DNAJB5: variants seen among roughly 807,000 people sequenced by gnomAD.
The protein encoded by DNAJB5 is dnaJ homolog subfamily B member 5.
A neutral mutation model predicts 32.6 loss-of-function variants in DNAJB5; 12 were observed. That is an observed-to-expected ratio of 0.37 (90% CI 0.24 to 0.60). DNAJB5 has a LOEUF of 0.60. Ranked by LOEUF, DNAJB5 falls within the 20% of genes least tolerant of loss-of-function variation. The pLI, the probability that DNAJB5 is intolerant of heterozygous loss-of-function variation, is 0.71. For synonymous variants in DNAJB5, 188 were observed against 212.9 expected (o/e 0.88, Z 1.02); for missense variants, 358 against 554.2 (o/e 0.65, Z 3.55).
At position 34,997,602 on chromosome 9, in the gene DNAJB5, C is replaced by T. The variant is rs1827838950; in HGVS notation, c.*343C>T. The T allele has an allele frequency of 2.5e-6, 1 of 398,100 alleles. No homozygotes were observed. Among genetic ancestry groups the T allele is most frequent in the East Asian group, 6.0e-5 (1 of 16,588 alleles). The allele number at this position is 398,100 out of a possible 1,614,324, so 24.7% of individuals were successfully genotyped here. ...CCATGCCTGTACATAGCATGTCCTC[C>T]TCCCCTCAGCTTTGCTAATACCAGT... is the stretch of plus-strand genomic sequence containing the variant. On this transcript the variant is annotated 3_prime_UTR_variant, in exon 5 of 5. Coordinates refer to ENST00000682809, the MANE Select transcript of DNAJB5 (RefSeq NM_001349723.3). This position sits in a 1 kb window ranked among gnomAD's most constrained non-coding sequence, Gnocchi z 4.1.
Position 34,991,163 on chromosome 9 carries a change from T to A in DNAJB5, c.182+351T>A, listed in dbSNP as rs894409144. On this transcript the variant is annotated intron_variant, in intron 2 of 4. Coordinates refer to ENST00000682809, the MANE Select transcript of DNAJB5 (RefSeq NM_001349723.3). ...TTCTGTATCAGCCATCTCCCCTCCC[T>A]GTACCTCAACAGTCCCCCTCGCCAT... The A allele has an allele frequency of 2.4e-5, 10 of 412,728 alleles. No homozygotes were observed. The East Asian group carries it at 6.1e-4, about 25-fold the overall frequency. The allele number at this position is 412,728 out of a possible 1,614,324, so 25.6% of individuals were successfully genotyped here.
In DNAJB5 at chr9:34,990,185, T is replaced by G; in HGVS notation, c.-132-314T>G. 1 of 1,205,658 alleles carries G rather than the reference T, an allele frequency of 8.3e-7. No homozygotes were observed. The highest frequency in any genetic ancestry group is 1.6e-5 in the South Asian group (1 of 64,052). The allele number at this position is 1,205,658 out of a possible 1,614,324, so 74.7% of individuals were successfully genotyped here. A position where few individuals can be genotyped will look rare whatever the true frequency, so the allele number is the denominator to read the frequency against. ...TCCCCTCCTCTCCTCGCCGCGCCTT[T>G]TGTCCCGGCCGAGCTCCGCTCTGCC... is the stretch of plus-strand genomic sequence containing the variant. On this transcript the variant is annotated intron_variant, in intron 1 of 4. Coordinates refer to ENST00000682809, the MANE Select transcript of DNAJB5 (RefSeq NM_001349723.3). The surrounding 1 kb of genome is among the most constrained non-coding windows in gnomAD (Gnocchi z 4.5).
Position 34,996,683 on chromosome 9 carries a change from C to T in DNAJB5, c.846C>T (p.Ile282=), listed in dbSNP as rs1827807486. Reference sequence around the variant, plus strand: ...GAACTGTGCGCACCGAGGACAAGATCCTGCACATAGTCATCAAGCGTGGCT... The same window carrying T: ...GAACTGTGCGCACCGAGGACAAGATTCTGCACATAGTCATCAAGCGTGGCT... ...DGRTVRTEDK[I]LHIVIKRGWK... is the part of the protein sequence containing the mutation. The change falls in exon 4 of 5, where the codon ATC becomes ATT. Residue 282 remains isoleucine (I), a synonymous_variant. Transcript: ENST00000682809. The surrounding 1 kb of genome is among the most constrained non-coding windows in gnomAD (Gnocchi z 7.2). The T allele has an allele frequency of 2.5e-6, 4 of 1,614,062 alleles. No individual in the cohort carries two copies. In the South Asian group the frequency reaches 4.4e-5, roughly 18 times the overall value.
intron 2 of DNAJB5, chr9:34,991,514 G>A: frequency 2.2e-6 from 1 of 448,202 alleles, no homozygotes; most frequent in South Asian, 1.6e-5. Context: ...CCCTCTGCCT[G>A]GAAGCTGCTC....
Position 34,996,137 on chromosome 9 carries a change from C to A in DNAJB5, c.428-128C>A, listed in dbSNP as rs1282007235. 4 of 1,253,082 alleles carry A rather than the reference C, an allele frequency of 3.2e-6. No individual in the cohort carries two copies. In the East Asian group the frequency reaches 1.0e-4, roughly 31 times the overall value. 77.6% of individuals were successfully genotyped at this position (1,253,082 alleles called of 1,614,324 possible). A position where few individuals can be genotyped will look rare whatever the true frequency, so the allele number is the denominator to read the frequency against. On this transcript the variant is annotated intron_variant, in intron 3 of 4. Coordinates refer to ENST00000682809, the MANE Select transcript of DNAJB5 (RefSeq NM_001349723.3). This position sits in a 1 kb window ranked among gnomAD's most constrained non-coding sequence, Gnocchi z 7.2. ...GCCTTTCTTACTCTATTAGCCTGGCCCTCTCTGTGGGATTTAAAGGTTGCT... is the reference window on the plus strand; with the variant it reads ...GCCTTTCTTACTCTATTAGCCTGGCACTCTCTGTGGGATTTAAAGGTTGCT...
At chr9:34,991,527 G>A (rs1182602980) in intron 2 of DNAJB5, 7 of 441,006 alleles carry the variant, frequency 1.6e-5, no homozygotes, top group Non-Finnish European at 2.7e-5. Flanking sequence ...AGCTGCTCTC[G>A]TTCTCTAGGG....
In DNAJB5 at chr9:34,993,063, TG is replaced by T. The variant is rs1455804633; in HGVS notation, c.183-131del. On this transcript the variant is annotated intron_variant, in intron 2 of 4. Transcript: ENST00000682809. The surrounding 1 kb of genome is among the most constrained non-coding windows in gnomAD (Gnocchi z 4.7). ...TAGTCCAAACCTTTCATTTTACAGA[TG>T]GGGGGACGCAGGCCCACAGAACAGG... 1.4e-6 allele frequency: 2 copies of T among 1,444,754 alleles called. No individual in the cohort carries two copies. The highest frequency in any genetic ancestry group is 1.8e-6 in the Non-Finnish European group (2 of 1,104,586). The allele number at this position is 1,444,754 out of a possible 1,614,324, so 89.5% of individuals were successfully genotyped here.
intron 2 of DNAJB5, chr9:34,992,198 G>C (rs1015904985): frequency 6.6e-6 from 1 of 152,292 alleles, no homozygotes; most frequent in Non-Finnish European, 1.5e-5. Context: ...GGAAGAATTC[G>C]GGTTGTACGT....
chr9:34,993,592 G>C lies in DNAJB5; in HGVS notation c.427+148G>C. ...GCACTGTCACCCAGAGAAGAGAGAAGCCCACCCACTACCCAGCTCAGCTCA... is the reference window on the plus strand; with the variant it reads ...GCACTGTCACCCAGAGAAGAGAGAACCCCACCCACTACCCAGCTCAGCTCA... On this transcript the variant is annotated intron_variant, in intron 3 of 4. Transcript: ENST00000682809. The surrounding 1 kb of genome is among the most constrained non-coding windows in gnomAD (Gnocchi z 4.7). The C allele has an allele frequency of 1.4e-5, 15 of 1,080,184 alleles. No homozygotes were observed. Among genetic ancestry groups the C allele is most frequent in the Non-Finnish European group, 1.9e-5 (15 of 771,034 alleles). The allele number at this position is 1,080,184 out of a possible 1,614,324, so 66.9% of individuals were successfully genotyped here. A position where few individuals can be genotyped will look rare whatever the true frequency, so the allele number is the denominator to read the frequency against.
intron 1 of DNAJB5, 28 bp downstream of exon 1, chr9:34,989,859 G>A: frequency 8.1e-7 from 1 of 1,237,470 alleles, no homozygotes; most frequent in Non-Finnish European, 1.0e-6. Context: ...GGACTCGGGG[G>A]TCCCGGGAGC....
chr9:34,990,179 CGCCT>C lies in DNAJB5; in HGVS notation c.-132-319_-132-316del. ...GCCCCCTCCCCTCCTCTCCTCGCCG[CGCCT>C]TTTGTCCCGGCCGAGCTCCGCTCTG... On this transcript the variant is annotated intron_variant, in intron 1 of 4. Transcript: ENST00000682809. The surrounding 1 kb of genome is among the most constrained non-coding windows in gnomAD (Gnocchi z 4.5). 8.8e-7 allele frequency: 1 copy of C among 1,137,156 alleles called. No individual in the cohort carries two copies. Among genetic ancestry groups the C allele is most frequent in the Non-Finnish European group, 1.2e-6 (1 of 861,682 alleles). 70.4% of individuals were successfully genotyped at this position (1,137,156 alleles called of 1,614,324 possible).
intron 2 of DNAJB5, chr9:34,991,583 G>T: frequency 2.9e-6 from 1 of 349,644 alleles, no homozygotes; most frequent in Non-Finnish European, 5.8e-6. Context: ...CCAGGGGAAA[G>T]AAGGTGTGGG....
At chr9:34,991,932 G>A (rs149899250) in intron 2 of DNAJB5, 55 of 161,014 alleles carry the variant, frequency 3.4e-4, no homozygotes, top group African/African-American at 1.3e-3. Context: ...CCGGTTACAG[G>A]CCTCACTCCT....
In DNAJB5 at chr9:34,990,979, TATC is replaced by T. The variant is rs1827613295; in HGVS notation, c.182+170_182+172del. The T allele has an allele frequency of 3.0e-6, 2 of 668,626 alleles. No homozygotes were observed. Among genetic ancestry groups the T allele is most frequent in the African/African-American group, 3.6e-5 (2 of 55,018 alleles). 41.4% of individuals were successfully genotyped at this position (668,626 alleles called of 1,614,324 possible). A position where few individuals can be genotyped will look rare whatever the true frequency, so the allele number is the denominator to read the frequency against. Reference sequence around the variant, plus strand: ...ACATATTTGAATGAATTGCACCCCTTATCATTCCTTTTCTCAAACCCTTCAGGT... The same window carrying T: ...ACATATTTGAATGAATTGCACCCCTTATTCCTTTTCTCAAACCCTTCAGGT... On this transcript the variant is annotated intron_variant, in intron 2 of 4. Transcript: ENST00000682809. This position sits in a 1 kb window ranked among gnomAD's most constrained non-coding sequence, Gnocchi z 4.5.
At chr9:34,998,587 TAAAACTTATACTTC>T (rs1181643630), downstream of DNAJB5, 1 of 152,096 alleles carries the variant, frequency 6.6e-6, no homozygotes, top group African/African-American at 2.4e-5. Flanking sequence ...CTGGGATTTC[TAAAACTTATACTTC>T]AAACACAGCA....
In DNAJB5 at chr9:34,990,463, G is replaced by A. The variant is rs1011089015; in HGVS notation, c.-132-36G>A. Reference sequence around the variant, plus strand: ...CTGCACCTGAGAGCAGGTGGCCGCGGGTCTTCTCCCTTCACTCTCCACATT... The same window carrying A: ...CTGCACCTGAGAGCAGGTGGCCGCGAGTCTTCTCCCTTCACTCTCCACATT... On this transcript the variant is annotated intron_variant, in intron 1 of 4. Transcript: ENST00000682809. The surrounding 1 kb of genome is among the most constrained non-coding windows in gnomAD (Gnocchi z 4.5). 18 of 1,535,092 alleles carry A rather than the reference G, an allele frequency of 1.2e-5. No homozygotes were observed. The Admixed American group carries it at 1.2e-4, about 10-fold the overall frequency.
chr9:34,995,472 T>C (rs991922180), intron 3 of DNAJB5, among the ~76,000 whole-genome samples: 2 of 152,156 alleles, frequency 1.3e-5, no homozygotes, highest in Non-Finnish European at 2.9e-5. Flanking sequence ...TGCCAGCCCA[T>C]TCATGCATTT....
rs759570182 is a variant in DNAJB5 at position 34,996,885 on chromosome 9, G to A, written c.1029+19G>A. 5 of 1,590,338 alleles carry A rather than the reference G, an allele frequency of 3.1e-6. No homozygotes were observed. The highest frequency in any genetic ancestry group is 1.3e-5 in the African/African-American group (1 of 74,600). ...CAAGGAGGTGGGGCCTAGTCAGGCT[G>A]TGTGTGTGTGCTGGGGAGATGGTGG... On this transcript the variant is annotated intron_variant, in intron 4 of 4. Coordinates refer to ENST00000682809, the MANE Select transcript of DNAJB5 (RefSeq NM_001349723.3). The surrounding 1 kb of genome is among the most constrained non-coding windows in gnomAD (Gnocchi z 7.2).
Position 34,997,527 on chromosome 9 carries a change from G to A in DNAJB5, c.*268G>A, listed in dbSNP as rs1024416528. 1 of 594,822 alleles carries A rather than the reference G, an allele frequency of 1.7e-6. No homozygotes were observed. Among genetic ancestry groups the A allele is most frequent in the South Asian group, 1.7e-5 (1 of 58,042 alleles). The allele number at this position is 594,822 out of a possible 1,614,324, so 36.8% of individuals were successfully genotyped here. A position where few individuals can be genotyped will look rare whatever the true frequency, so the allele number is the denominator to read the frequency against. ...CTTTCAATCCAGTTTCCACTGCAGT[G>A]GCTGGAGAGTGACCTGAGTGCTACT... On this transcript the variant is annotated 3_prime_UTR_variant, in exon 5 of 5. Coordinates refer to ENST00000682809, the MANE Select transcript of DNAJB5 (RefSeq NM_001349723.3). The surrounding 1 kb of genome is among the most constrained non-coding windows in gnomAD (Gnocchi z 4.1).
Sources: gnomAD v4.1 joint callset for allele counts (sites outside exome capture counted in the v4.1 genomes callset) on GRCh38, gnomAD v4.1.1 for gene constraint, Gnocchi (gnomAD v3.1) non-coding constraint, MANE v1.5 for transcripts, NCBI Gene and HGNC (gene_info 2026-07-23, HGNC 2026-07-21) for gene names.